The following NTRK1 variants were observed in gnomAD, a reference collection of about 807,000 sequenced individuals.
NTRK1 encodes the protein neurotrophic receptor tyrosine kinase 1.
NTRK1 carries 62 observed loss-of-function variants against 86.8 expected under a neutral mutation model. The observed-to-expected ratio is 0.71, with a 90% CI of 0.58 to 0.88. The LOEUF is 0.88. Among genes scored for constraint, NTRK1 ranks in the 40% least tolerant of loss-of-function variants. The pLI is 0.00. For synonymous variants in NTRK1, 469 were observed against 456.6 expected (o/e 1.03, Z -0.35); for missense variants, 967 against 1,078.4 (o/e 0.90, Z 1.45).
At chr1:156,846,619 C>A (rs1272918212) in intron 2 of NTRK1, 1 of 1,614,088 alleles carries the variant, frequency 6.2e-7, no homozygotes, top group Non-Finnish European at 8.5e-7. Context: ...ACACTGCGTA[C>A]TGTGTCCAAG....
intron 1 of NTRK1, among the ~76,000 whole-genome samples, chr1:156,823,021 T>C (rs1654228782): frequency 6.6e-6 from 1 of 152,200 alleles, no homozygotes; most frequent in Non-Finnish European, 1.5e-5. Context: ...GATCTCAAAG[T>C]GAATAGGTGG....
chr1:156,849,330 AGATGT>A, intron 2 of NTRK1: 1 of 1,613,758 alleles, frequency 6.2e-7, no homozygotes, highest in Non-Finnish European at 8.5e-7. Flanking sequence ...TCCAGTCGGT[AGATGT>A]GTTCCAAGCA....
intron 2 of NTRK1, chr1:156,852,225 T>C: frequency 1.3e-6 from 2 of 1,546,900 alleles, no homozygotes; most frequent in Non-Finnish European, 1.8e-6. Flanking sequence ...ACGTTGGCCA[T>C]GCCCCCTCAG....
intron 1 of NTRK1, 72 bp from the exon 2 acceptor site, chr1:156,864,282 G>C (rs1382522815): frequency 1.4e-6 from 2 of 1,427,210 alleles, no homozygotes; most frequent in African/African-American, 2.8e-5. Flanking sequence ...GTATTGTGAG[G>C]GAGTAAGTGG....
upstream of NTRK1, among the ~76,000 whole-genome samples, chr1:156,858,129 T>A (rs1055099541): frequency 2.6e-5 from 4 of 152,188 alleles, no homozygotes; most frequent in African/African-American, 4.8e-5. Flanking sequence ...TGCAGTTTCC[T>A]GTCGGCAACA....
chr1:156,867,289 G>C (rs1317135370), intron 4 of NTRK1, among the ~76,000 whole-genome samples: 1 of 152,216 alleles, frequency 6.6e-6, no homozygotes, highest in Non-Finnish European at 1.5e-5. Context: ...ACAGGGGTGA[G>C]TGGGGCAGCA....
Position 156,849,170 on chromosome 1 carries a change from G to A in NTRK1, c.50+6977G>A, listed in dbSNP as rs1655115494. The A allele has an allele frequency of 1.9e-6, 3 of 1,600,870 alleles. No individual in the cohort carries two copies. In the South Asian group the frequency reaches 3.3e-5, roughly 18 times the overall value. On this transcript the variant is annotated intron_variant, in intron 2 of 16. Transcript: ENST00000392302. ...GAGAACTTCTCAGAGTGTCCCCCTC[G>A]AGCTTTCTCCCTCCCCCGGGTGTGC... is the stretch of plus-strand genomic sequence containing the variant.
intron 1 of NTRK1, among the ~76,000 whole-genome samples, chr1:156,832,491 A>G (rs1654490374): frequency 6.6e-6 from 1 of 152,174 alleles, no homozygotes; most frequent in South Asian, 2.1e-4. Context: ...GCAGCAGTTG[A>G]AAGAGCTGAT....
At chr1:156,855,630 C>T (rs1655382591) in intron 2 of NTRK1, among the ~76,000 whole-genome samples, 3 of 152,090 alleles carry the variant, frequency 2.0e-5, no homozygotes, top group South Asian at 4.2e-4. Flanking sequence ...CGAGACCAGC[C>T]TGGGCAACAT....
At chr1:156,860,389 G>C (rs1655578438), upstream of NTRK1, among the ~76,000 whole-genome samples, 1 of 152,214 alleles carries the variant, frequency 6.6e-6, no homozygotes, top group South Asian at 2.1e-4. Context: ...TTGATCCTTT[G>C]GTAGTCCTTT....
chr1:156,828,742 A>G (rs1354892518), intron 1 of NTRK1, among the ~76,000 whole-genome samples: 1 of 152,246 alleles, frequency 6.6e-6, no homozygotes, highest in Non-Finnish European at 1.5e-5. Flanking sequence ...CTCCACCACC[A>G]GAAAGGCTGT....
chr1:156,868,808 C>T (rs538683756), intron 6 of NTRK1, among the ~76,000 whole-genome samples, 161 bp downstream of exon 6: 1 of 152,300 alleles, frequency 6.6e-6, no homozygotes, highest in Admixed American at 6.5e-5. Context: ...GGGCTCAGGC[C>T]TATGCTCTGG....
chr1:156,868,527 G>C lies in NTRK1; in HGVS notation c.597G>C (p.Gln199His), dbSNP rs866692522. Residue 199 changes from glutamine (Q) to histidine (H), a missense_variant, in exon 6 of 17, where the codon CAG becomes CAC. By Grantham distance (24) the Gln-to-His change is conservative. Coordinates refer to ENST00000524377, the MANE Select transcript of NTRK1 (RefSeq NM_002529.4). ...CAGGTGTGCCCACGCTGAAGGTCCA[G>C]GTGCCCAATGCCTCGGTGGATGTGG... is the stretch of plus-strand genomic sequence containing the variant. ...ASCGVPTLKV[Q>H]VPNASVDVGD... The C allele has an allele frequency of 1.3e-6, 2 of 1,559,274 alleles. No homozygotes were observed. Among genetic ancestry groups the C allele is most frequent in the African/African-American group, 2.7e-5 (2 of 73,598 alleles).
intron 1 of NTRK1, among the ~76,000 whole-genome samples, chr1:156,864,127 G>A (rs538731330): frequency 3.9e-5 from 6 of 152,234 alleles, no homozygotes; most frequent in South Asian, 2.1e-4. Context: ...ATGTATGTGC[G>A]CTTGTGTGTT....
upstream of NTRK1, chr1:156,858,986 GC>G (rs1461980266): frequency 8.4e-6 from 2 of 238,534 alleles, no homozygotes; most frequent in Non-Finnish European, 1.7e-5. Flanking sequence ...GGAGCAGCAG[GC>G]TGGGGACCGC....
chr1:156,850,091 A>G (rs892773967), intron 2 of NTRK1, among the ~76,000 whole-genome samples: 11 of 152,060 alleles, frequency 7.2e-5, no homozygotes, highest in African/African-American at 2.4e-4. Flanking sequence ...TTATAGAGAC[A>G]GAGTTTCACC....
chr1:156,816,106 A>G (rs1211078120), intron 1 of NTRK1: 2 of 1,609,252 alleles, frequency 1.2e-6, no homozygotes, highest in Admixed American at 3.4e-5. Context: ...TGTGAGCACA[A>G]AGAGGGCTGC....
chr1:156,839,188 G>C (rs1475386910), intron 1 of NTRK1, among the ~76,000 whole-genome samples: 2 of 152,258 alleles, frequency 1.3e-5, no homozygotes, highest in Non-Finnish European at 2.9e-5. Flanking sequence ...TGTTGTCATA[G>C]AGACGGCCTC....
At chr1:156,858,222 CT>C (rs1303215484), upstream of NTRK1, among the ~76,000 whole-genome samples, 2 of 152,236 alleles carry the variant, frequency 1.3e-5, no homozygotes, top group Non-Finnish European at 2.9e-5. Context: ...CTAGAGATGA[CT>C]TCTAACACTC....
Sources: allele counts gnomAD v4.1 joint callset (sites outside exome capture counted in the v4.1 genomes callset), GRCh38; gene constraint gnomAD v4.1.1; transcripts MANE v1.5; gene names NCBI Gene and HGNC (gene_info 2026-07-23, HGNC 2026-07-21).